Variants in ELAPOR1 observed in about 807,000 individuals in gnomAD.
ELAPOR1 encodes endosome-lysosome associated apoptosis and autophagy regulator 1, also known as endosome/lysosome-associated apoptosis and autophagy regulator 1.
Under a neutral mutation model 119.7 loss-of-function variants are expected in ELAPOR1, and 77 were observed. The ratio of observed to expected loss-of-function variants is 0.64; its 90% CI spans 0.54 to 0.78. The LOEUF (loss-of-function observed/expected upper bound fraction) is 0.78. Among genes scored for constraint, ELAPOR1 ranks in the 30% least tolerant of loss-of-function variants. ELAPOR1 has a pLI of 0.00. For synonymous variants in ELAPOR1, 481 were observed against 487.2 expected (o/e 0.99, Z 0.17); for missense variants, 1,115 against 1,270.4 (o/e 0.88, Z 1.86).
rs111247621 is a variant in ELAPOR1 at position 109,187,872 on chromosome 1, G to A, written c.1042-305G>A. ...ACCTTGGTAGCAATAAGATTCTACA[G>A]TGGAATCGGAGCTTTCTCTAAGACA... On this transcript the variant is annotated intron_variant, in intron 8 of 21. Transcript: ENST00000369939. The A allele has an allele frequency of 1.5e-5, 16 of 1,086,954 alleles. No individual in the cohort carries two copies. The African/African-American group carries it at 1.8e-4, about 12-fold the overall frequency. 67.3% of individuals were successfully genotyped at this position (1,086,954 alleles called of 1,614,324 possible). A position where few individuals can be genotyped will look rare whatever the true frequency, so the allele number is the denominator to read the frequency against.
In ELAPOR1 at chr1:109,122,438, T is replaced by C. The variant is rs1467105853; in HGVS notation, c.153+8102T>C. On this transcript the variant is annotated intron_variant, in intron 1 of 21. Transcript: ENST00000369939. ...CTTTGGGAGGCCATGGCCAGCAGAT[T>C]GCTTGAGCCCAGGAGTTCAGGACCA... Among the ~76,000 whole-genome samples the C allele has an allele frequency of 8.0e-5, 12 of 149,446 alleles. No homozygotes were observed. The East Asian group carries it at 1.4e-3, about 17-fold the overall frequency.
intron 3 of ELAPOR1, 102 bp downstream of exon 3, chr1:109,164,793 G>A: frequency 8.4e-7 from 1 of 1,184,288 alleles, no homozygotes; most frequent in East Asian, 2.6e-5. Context: ...TGGGCAGGGA[G>A]GATGGAGGGA....
At chr1:109,116,744 G>A (rs1025588529) in intron 1 of ELAPOR1, among the ~76,000 whole-genome samples, 3 of 147,188 alleles carry the variant, frequency 2.0e-5, no homozygotes, top group African/African-American at 7.6e-5. Flanking sequence ...AGGCTGGAGT[G>A]CAGTGGCATG....
rs539923688 is a variant in ELAPOR1, at chr1:109,164,995, CA to C, written c.467+308del. On this transcript the variant is annotated intron_variant, in intron 3 of 21. Coordinates refer to ENST00000369939, the MANE Select transcript of ELAPOR1 (RefSeq NM_020775.5). ...GTTAAATGGCCCAGTCTATTTAAAA[CA>C]AAACCCAATTGGAGCTGGGCACAGT... Among the ~76,000 whole-genome samples the C allele has an allele frequency of 3.8e-3, 580 of 152,298 alleles. 18 individuals are homozygous for C. Among genetic ancestry groups the C allele is most frequent in the Admixed American group, 0.036 (552 of 15,294 alleles).
chr1:109,115,701 TG>T (rs955635327), intron 1 of ELAPOR1, among the ~76,000 whole-genome samples: 1 of 152,092 alleles, frequency 6.6e-6, no homozygotes, highest in African/African-American at 2.4e-5. Flanking sequence ...AAGTCAGGTG[TG>T]GGGGGGAGGA....
At chr1:109,166,054 T>C (rs1300644241) in intron 3 of ELAPOR1, among the ~76,000 whole-genome samples, 1 of 152,100 alleles carries the variant, frequency 6.6e-6, no homozygotes, top group African/African-American at 2.4e-5. Context: ...TAGCTGGGAC[T>C]GCAGGCACCC....
At position 109,192,646 on chromosome 1, in the gene ELAPOR1, C is replaced by T. The variant is rs574848687; in HGVS notation, c.1719C>T (p.Tyr573=). Residue 573 remains tyrosine, a synonymous_variant, in exon 14 of 22, where the codon TAC becomes TAT. Transcript: ENST00000369939. The stretch of plus-strand genomic sequence containing the variant: ...ACACCAATGACGTTGCCAAGATCTA[C>T]TCCATCAATGTCACCAATGTTATGA... The part of the protein sequence containing the change: ...RKYTNDVAKI[Y]SINVTNVMNG... The T allele has an allele frequency of 6.2e-6, 10 of 1,614,068 alleles. No homozygotes were observed. Among genetic ancestry groups the T allele is most frequent in the East Asian group, 2.2e-5 (1 of 44,904 alleles).
At chr1:109,146,294 T>G (rs1650173630) in intron 1 of ELAPOR1, among the ~76,000 whole-genome samples, 1 of 151,382 alleles carries the variant, frequency 6.6e-6, no homozygotes, top group African/African-American at 2.4e-5. Context: ...CACTCCAGAC[T>G]GGGTAATCAG....
intron 1 of ELAPOR1, among the ~76,000 whole-genome samples, chr1:109,149,575 C>G (rs1030521591): frequency 6.6e-6 from 1 of 152,238 alleles, no homozygotes; most frequent in African/African-American, 2.4e-5. Flanking sequence ...AGGGCCACAC[C>G]CTGGCCCACC....
At chr1:109,186,986 C>G (rs1262406154) in intron 8 of ELAPOR1, 2 of 985,430 alleles carry the variant, frequency 2.0e-6, no homozygotes, top group South Asian at 9.4e-5. Flanking sequence ...TTCAGGAGTG[C>G]GCATGAACAT....
Position 109,167,306 on chromosome 1 carries a change from C to T in ELAPOR1, c.467+2615C>T, listed in dbSNP as rs530015638. 1.4e-4 allele frequency among the ~76,000 whole-genome samples: 21 copies of T among 152,126 alleles called. No individual in the cohort carries two copies. In the South Asian group the frequency reaches 1.7e-3, roughly 12 times the overall value. The stretch of plus-strand genomic sequence containing the variant: ...GGTTAATAACAACTTGTGTTTCCAC[C>T]GCACGGACTATTTCAGGGCCTGCAT... On this transcript the variant is annotated intron_variant, in intron 3 of 21. Coordinates refer to ENST00000369939, the MANE Select transcript of ELAPOR1 (RefSeq NM_020775.5).
At chr1:109,164,805 G>A in intron 3 of ELAPOR1, 114 bp downstream of exon 3, 3 of 1,045,766 alleles carry the variant, frequency 2.9e-6, no homozygotes, top group Non-Finnish European at 4.1e-6. Flanking sequence ...ATGGAGGGAA[G>A]AGGAAGCCAG....
intron 7 of ELAPOR1, among the ~76,000 whole-genome samples, chr1:109,183,576 C>T (rs71589775): frequency 0.038 from 4,573 of 118,952 alleles, 361 homozygotes; most frequent in African/African-American, 0.084. Context: ...TTCCTTCCTT[C>T]CTTCCTTCCT....
At chr1:109,172,402 C>A (rs1221858290) in intron 4 of ELAPOR1, 86 bp from the exon 5 acceptor site, 3 of 960,068 alleles carry the variant, frequency 3.1e-6, no homozygotes, top group East Asian at 2.5e-5. Context: ...TAAAGAAGGG[C>A]CCTCTGGAGG....
At chr1:109,191,304 C>T in intron 11 of ELAPOR1, 62 bp from the exon 12 acceptor site, 4 of 1,153,158 alleles carry the variant, frequency 3.5e-6, no homozygotes, top group Non-Finnish European at 5.2e-6. Context: ...CTGCTGTTGT[C>T]TGGGCTCTTC....
chr1:109,192,112 T>C (rs772589461), intron 13 of ELAPOR1, among the ~76,000 whole-genome samples: 4 of 152,242 alleles, frequency 2.6e-5, no homozygotes, highest in Non-Finnish European at 5.9e-5. Flanking sequence ...ATACATGTGT[T>C]ACCAGACTTG....
Position 109,198,083 on chromosome 1 carries a change from T to C in ELAPOR1, c.2399+8T>C, listed in dbSNP as rs1653941754. On this transcript the variant is annotated splice_region_variant and intron_variant, in intron 17 of 21. Transcript: ENST00000369939. ...CGTGATCTTCTTTTATAGGTGAAGA[T>C]GAGAGGCTAGGCTAATGCAAGTGAA... The C allele has an allele frequency of 6.2e-7, 1 of 1,607,712 alleles. No individual in the cohort carries two copies. Among genetic ancestry groups the C allele is most frequent in the Non-Finnish European group, 8.5e-7 (1 of 1,174,136 alleles).
intron 17 of ELAPOR1, 96 bp from the exon 18 acceptor site, chr1:109,198,477 C>A: frequency 1.8e-6 from 2 of 1,125,762 alleles, no homozygotes; most frequent in South Asian, 1.4e-5. Flanking sequence ...CTGACTTCCC[C>A]AGCAAGGGAA....
intron 3 of ELAPOR1, among the ~76,000 whole-genome samples, chr1:109,169,540 C>T (rs770066037): frequency 2.0e-5 from 3 of 152,158 alleles, no homozygotes; most frequent in Non-Finnish European, 2.9e-5. Flanking sequence ...TGAGCCACCA[C>T]GCCCACCCAA....
Sources: gnomAD v4.1 joint callset for allele counts (sites outside exome capture counted in the v4.1 genomes callset) on GRCh38, gnomAD v4.1.1 for gene constraint, MANE v1.5 for transcripts, NCBI Gene and HGNC (gene_info 2026-07-23, HGNC 2026-07-21) for gene names.